ARHGAP10: variants seen among roughly 807,000 people sequenced by gnomAD.
ARHGAP10 encodes the protein rho GTPase-activating protein 10.
In ARHGAP10, 87 loss-of-function variants were observed where a neutral mutation model predicts 108.6. The observed-to-expected ratio is 0.80, with a 90% confidence interval of 0.67 to 0.96. The LOEUF (loss-of-function observed/expected upper bound fraction) is 0.96. ARHGAP10 is among the 40% of genes least tolerant of loss of function. The pLI, the probability that ARHGAP10 is intolerant of heterozygous loss-of-function variation, is 0.00. For synonymous variants in ARHGAP10, 347 were observed against 341.1 expected, an observed-to-expected ratio of 1.02 and a Z score of -0.19; for missense variants, 939 against 954.5, an observed-to-expected ratio of 0.98 and a Z score of 0.21.
intron 1 of ARHGAP10, among the ~76,000 whole-genome samples, chr4:147,766,815 T>C (rs1579018106): frequency 1.1e-4 from 1 of 9,408 alleles, no homozygotes; most frequent in African/African-American, 1.2e-4. Flanking sequence ...TATATATATA[T>C]ATATATATAT....
At chr4:147,875,385 C>T (rs974191403) in intron 8 of ARHGAP10, among the ~76,000 whole-genome samples, 15 of 152,000 alleles carry the variant, frequency 9.9e-5, no homozygotes, top group African/African-American at 3.4e-4. Context: ...CTTCAGACAC[C>T]CCACTAGCTT....
intron 18 of ARHGAP10, among the ~76,000 whole-genome samples, chr4:147,991,801 CT>C (rs1393511851): frequency 6.6e-6 from 1 of 152,222 alleles, no homozygotes; most frequent in Non-Finnish European, 1.5e-5. Context: ...TGTGTTTACT[CT>C]TTTTCTGCAC....
At chr4:147,992,103 G>T (rs1226806407) in intron 18 of ARHGAP10, among the ~76,000 whole-genome samples, 1 of 152,206 alleles carries the variant, frequency 6.6e-6, no homozygotes, top group Non-Finnish European at 1.5e-5. Flanking sequence ...AGGATGAAAA[G>T]TCCCTCAAAA....
chr4:147,871,114 C>T (rs1007446556), intron 7 of ARHGAP10, among the ~76,000 whole-genome samples: 7 of 152,050 alleles, frequency 4.6e-5, no homozygotes, highest in Admixed American at 1.3e-4. Context: ...TGCCCGCCAC[C>T]GTGCCCGGCT....
intron 18 of ARHGAP10, among the ~76,000 whole-genome samples, chr4:147,969,759 T>C (rs912225760): frequency 2.6e-5 from 4 of 152,200 alleles, no homozygotes; most frequent in Admixed American, 2.6e-4. Context: ...CCTGTTACAA[T>C]AGTTACAGCA....
intron 4 of ARHGAP10, among the ~76,000 whole-genome samples, chr4:147,849,467 A>G (rs1733772762): frequency 6.6e-6 from 1 of 152,174 alleles, no homozygotes; most frequent in Non-Finnish European, 1.5e-5. Context: ...CTTCAAAAAG[A>G]CTTTACTCTC....
chr4:148,001,773 G>C (rs1310508854), intron 18 of ARHGAP10, among the ~76,000 whole-genome samples: 1 of 152,196 alleles, frequency 6.6e-6, no homozygotes, highest in Non-Finnish European at 1.5e-5. Context: ...TGTATCCTGA[G>C]ACTTTGCTGA....
chr4:148,055,659 G>A (rs1168507609), intron 20 of ARHGAP10, among the ~76,000 whole-genome samples: 2 of 152,226 alleles, frequency 1.3e-5, no homozygotes, highest in Non-Finnish European at 2.9e-5. Context: ...CTGCACTCCA[G>A]CCTGAGTGAC....
intron 3 of ARHGAP10, among the ~76,000 whole-genome samples, chr4:147,834,690 T>TCACACC (rs1200249426): frequency 6.7e-6 from 1 of 150,340 alleles, no homozygotes; most frequent in African/African-American, 2.5e-5. Flanking sequence ...CCACCCACAC[T>TCACACC]CACACCCACA....
At chr4:148,036,369 C>G (rs1345168977) in intron 19 of ARHGAP10, among the ~76,000 whole-genome samples, 1 of 152,152 alleles carries the variant, frequency 6.6e-6, no homozygotes, top group Non-Finnish European at 1.5e-5. Context: ...CCGCCCAGAT[C>G]TCATCTTGAA....
intron 13 of ARHGAP10, among the ~76,000 whole-genome samples, chr4:147,920,908 T>A (rs1305827978): frequency 6.6e-6 from 1 of 152,146 alleles, no homozygotes; most frequent in Non-Finnish European, 1.5e-5. Context: ...AACTTGGTTG[T>A]GAAGGAAACA....
intron 1 of ARHGAP10, among the ~76,000 whole-genome samples, chr4:147,754,274 A>T (rs1729279803): frequency 6.6e-6 from 1 of 152,212 alleles, no homozygotes; most frequent in African/African-American, 2.4e-5. Flanking sequence ...TACATAAGGC[A>T]TACGATGCCT....
rs147565214 is a variant in ARHGAP10, at chr4:147,922,019, CCCTCCTGCA to C, written c.1228+8895_1228+8903del. 5.0e-3 allele frequency among the ~76,000 whole-genome samples: 760 copies of C among 152,228 alleles called. 7 individuals carry two copies. The highest frequency in any genetic ancestry group is 0.018 in the African/African-American group (734 of 41,530). ...TAATGGGCTTGGCCTTCTCCCCTGC[CCCTCCTGCA>C]CCTCCTGCACCTCCGACATCTCTCA... On this transcript the variant is annotated intron_variant, in intron 13 of 22. Transcript: ENST00000336498.
At chr4:147,810,483 TG>T (rs1359670591) in intron 1 of ARHGAP10, among the ~76,000 whole-genome samples, 1 of 152,244 alleles carries the variant, frequency 6.6e-6, no homozygotes, top group African/African-American at 2.4e-5. Context: ...CATGAACCTG[TG>T]GCTTCTGAGT....
chr4:148,016,831 G>C (rs1270912483), intron 18 of ARHGAP10, among the ~76,000 whole-genome samples: 1 of 152,034 alleles, frequency 6.6e-6, no homozygotes, highest in African/African-American at 2.4e-5. Context: ...CTTTGGTTTT[G>C]ATTAATTTGC....
chr4:147,999,526 T>C (rs1370720419), intron 18 of ARHGAP10, among the ~76,000 whole-genome samples: 1 of 152,208 alleles, frequency 6.6e-6, no homozygotes, highest in East Asian at 1.9e-4. Context: ...CCTGATCCAG[T>C]GAGGCGCCCA....
intron 10 of ARHGAP10, among the ~76,000 whole-genome samples, chr4:147,887,897 C>T (rs750015787): frequency 6.6e-6 from 1 of 151,638 alleles, no homozygotes; most frequent in African/African-American, 2.4e-5. Flanking sequence ...CTATTTCTTC[C>T]CTCTTCTCTT....
chr4:148,064,467 C>G lies in ARHGAP10; in HGVS notation c.2232C>G (p.Ser744Arg). 6.2e-7 allele frequency: 1 copy of G among 1,614,140 alleles called. No homozygotes were observed. Among genetic ancestry groups the G allele is most frequent in the Non-Finnish European group, 8.5e-7 (1 of 1,180,026 alleles). Residue 744 changes from serine (S) to arginine (R), a missense_variant, in exon 22 of 23, where the codon AGC becomes AGG. Ser to Arg is a moderately radical substitution (Grantham distance 110, BLOSUM62 -1). Transcript: ENST00000336498. The stretch of plus-strand genomic sequence containing the variant: ...TGTATCCGTGTGAAGCAGAACACAG[C>G]TCGGAATTATCTTTTGAAATAGGAG... ...RAVYPCEAEH[S>R]SELSFEIGAI...
At chr4:147,971,467 G>A (rs1372243402) in intron 18 of ARHGAP10, among the ~76,000 whole-genome samples, 1 of 152,200 alleles carries the variant, frequency 6.6e-6, no homozygotes, top group Non-Finnish European at 1.5e-5. Context: ...CGAGAAAGTG[G>A]CGGAGACTTC....
Sources: allele counts gnomAD v4.1 joint callset (sites outside exome capture counted in the v4.1 genomes callset), GRCh38; gene constraint gnomAD v4.1.1; transcripts MANE v1.5; gene names NCBI Gene and HGNC (gene_info 2026-07-23, HGNC 2026-07-21).